The following APBA2 variants were observed in gnomAD, a reference collection of about 807,000 sequenced individuals.
APBA2 encodes amyloid-beta A4 precursor protein-binding family A member 2.
In APBA2, 30 loss-of-function variants were observed where a neutral mutation model predicts 75.0. The ratio of observed to expected loss-of-function variants is 0.40; its 90% CI spans 0.30 to 0.54. APBA2 has a LOEUF of 0.54. APBA2 is among the 20% of genes least tolerant of loss of function. The pLI is 0.49. For synonymous variants in APBA2, 444 were observed against 409.6 expected (o/e 1.08, Z -1.01); for missense variants, 801 against 1,016.1 (o/e 0.79, Z 2.88).
chr15:29,090,098 G>A (rs1220993784), intron 6 of APBA2, among the ~76,000 whole-genome samples: 1 of 152,216 alleles, frequency 6.6e-6, no homozygotes, highest in Non-Finnish European at 1.5e-5. Context: ...CTCCCGTGGT[G>A]CGTGTGAGTG....
At position 29,028,257 on chromosome 15, in the gene APBA2, G is replaced by T. The variant is rs374345277; in HGVS notation, c.-40-25588G>T. 3.3e-5 allele frequency among the ~76,000 whole-genome samples: 5 copies of T among 152,004 alleles called. No individual in the cohort carries two copies. In the East Asian group the frequency reaches 5.8e-4, roughly 18 times the overall value. On this transcript the variant is annotated intron_variant, in intron 3 of 14. Transcript: ENST00000683413. ...TATAAGTGAGAACATGTGATGTTTG[G>T]TTTTCTGTTCCTTTGTCAGTTTGCT...
intron 11 of APBA2, among the ~76,000 whole-genome samples, chr15:29,106,123 A>G (rs1015952564): frequency 6.6e-6 from 1 of 152,254 alleles, no homozygotes; most frequent in Non-Finnish European, 1.5e-5. Flanking sequence ...AAGACATTCC[A>G]GGCAGTTTCT....
At chr15:29,018,101 C>T (rs899352728) in intron 3 of APBA2, among the ~76,000 whole-genome samples, 4 of 152,072 alleles carry the variant, frequency 2.6e-5, no homozygotes, top group African/African-American at 9.7e-5. Flanking sequence ...CTACCTCTCC[C>T]GGGGGACAGT....
chr15:29,117,056 C>G lies in APBA2; in HGVS notation c.2179-6C>G, dbSNP rs765914372. The G allele has an allele frequency of 1.1e-5, 18 of 1,612,960 alleles. No individual in the cohort carries two copies. Among genetic ancestry groups the G allele is most frequent in the Non-Finnish European group, 1.5e-5 (18 of 1,179,828 alleles). ...CAGCGGCTCAGCCTCCTGTTTCTGT[C>G]CGCAGATCCACATGAAGACCATGCC... On this transcript the variant is annotated splice_polypyrimidine_tract_variant and splice_region_variant and intron_variant, in intron 14 of 14. Transcript: ENST00000683413.
intron 10 of APBA2, chr15:29,102,298 T>A (rs1445323206): frequency 5.0e-6 from 1 of 200,542 alleles, no homozygotes; most frequent in African/African-American, 2.4e-5. Flanking sequence ...AAGAGTGTTG[T>A]TTTTAGCCTG....
chr15:29,042,968 A>G (rs950754360), intron 3 of APBA2, among the ~76,000 whole-genome samples: 2 of 152,174 alleles, frequency 1.3e-5, no homozygotes, highest in Admixed American at 1.3e-4. Flanking sequence ...CTTTTCCCCT[A>G]AAGGCATCCA....
intron 1 of APBA2, among the ~76,000 whole-genome samples, chr15:28,895,930 A>G (rs994925259): frequency 6.6e-6 from 1 of 152,046 alleles, no homozygotes; most frequent in Non-Finnish European, 1.5e-5. Flanking sequence ...TGGGTAACGT[A>G]AGGAGACCCC....
chr15:28,938,982 CTT>C (rs1734874247), intron 2 of APBA2, among the ~76,000 whole-genome samples: 1 of 152,180 alleles, frequency 6.6e-6, no homozygotes, highest in Non-Finnish European at 1.5e-5. Context: ...CTTCCCAAAA[CTT>C]AAATTGTGCG....
At chr15:29,027,080 G>A (rs2040258989) in intron 3 of APBA2, among the ~76,000 whole-genome samples, 1 of 152,208 alleles carries the variant, frequency 6.6e-6, no homozygotes, top group Non-Finnish European at 1.5e-5. Flanking sequence ...TGACGTGTTA[G>A]TTTTTAATGC....
intron 3 of APBA2, among the ~76,000 whole-genome samples, chr15:29,010,190 C>T (rs1287672321): frequency 6.6e-6 from 1 of 152,148 alleles, no homozygotes; most frequent in Non-Finnish European, 1.5e-5. Flanking sequence ...TCGAAACCTT[C>T]TCTTGAAGTT....
chr15:29,114,665 G>A (rs2044954179), intron 14 of APBA2, among the ~76,000 whole-genome samples: 1 of 151,762 alleles, frequency 6.6e-6, no homozygotes, highest in African/African-American at 2.4e-5. Flanking sequence ...TGATGTATGA[G>A]TGTGGGTAAG....
chr15:29,075,942 G>A, intron 5 of APBA2, 113 bp from the exon 6 acceptor site: 2 of 923,842 alleles, frequency 2.2e-6, no homozygotes, highest in African/African-American at 1.6e-5. Context: ...CATCACTCAT[G>A]GGGGGTTTGC....
chr15:29,008,918 G>A (rs556246019), intron 3 of APBA2, among the ~76,000 whole-genome samples: 1 of 152,316 alleles, frequency 6.6e-6, no homozygotes, highest in East Asian at 1.9e-4. Context: ...AGTATGGCCA[G>A]GTGGGAAGCT....
intron 3 of APBA2, among the ~76,000 whole-genome samples, chr15:29,008,957 A>C (rs1156959933): frequency 3.3e-5 from 5 of 152,178 alleles, no homozygotes; most frequent in Non-Finnish European, 5.9e-5. Flanking sequence ...ACCAGGACAG[A>C]GGGTGTGTAT....
In APBA2 at chr15:28,998,284, G is replaced by A. The variant is rs570487995; in HGVS notation, c.-41+2478G>A. On this transcript the variant is annotated intron_variant, in intron 3 of 14. Coordinates refer to ENST00000683413, the MANE Select transcript of APBA2 (RefSeq NM_001353788.2). The stretch of plus-strand genomic sequence containing the variant: ...CCTATAGGCCCTCGATCTATAAAAT[G>A]TGTGCATAATGAAATATATAAAATC... 3.2e-4 allele frequency among the ~76,000 whole-genome samples: 47 copies of A among 147,558 alleles called. 1 individual carries two copies. The South Asian group carries it at 1.0e-2, about 31-fold the overall frequency.
At chr15:28,917,226 T>A (rs1257221366) in intron 1 of APBA2, among the ~76,000 whole-genome samples, 1 of 151,962 alleles carries the variant, frequency 6.6e-6, no homozygotes, top group African/African-American at 2.4e-5. Context: ...AGACGGTAAA[T>A]AACTAAAATC....
At chr15:29,045,510 AT>A (rs2041279363) in intron 3 of APBA2, among the ~76,000 whole-genome samples, 1 of 152,052 alleles carries the variant, frequency 6.6e-6, no homozygotes, top group Admixed American at 6.5e-5. Flanking sequence ...CTACATGTGA[AT>A]TTTGGGGGCG....
intron 2 of APBA2, among the ~76,000 whole-genome samples, chr15:28,968,557 G>T (rs778041581): frequency 1.3e-5 from 2 of 152,078 alleles, no homozygotes; most frequent in Non-Finnish European, 2.9e-5. Context: ...CGTCTCTTTC[G>T]CAGGATTAGA....
Position 28,886,160 on chromosome 15 carries a change from A to C in APBA2, c.-323A>C, listed in dbSNP as rs1335841723. The C allele has an allele frequency of 6.6e-6, 1 of 150,596 alleles. No homozygotes were observed. Among genetic ancestry groups the C allele is most frequent in the South Asian group, 2.1e-4 (1 of 4,830 alleles). The allele number at this position is 150,596 out of a possible 1,614,324, so 9.3% of individuals were successfully genotyped here. On this transcript the variant is annotated 5_prime_UTR_variant, in exon 1 of 15. Transcript: ENST00000683413. ...GGAAGCTATTCAGCTTCCCGGGCTC[A>C]TTAGCAGTCGCGGTGTGCGGCTCGG...
Sources: allele counts gnomAD v4.1 joint callset (sites outside exome capture counted in the v4.1 genomes callset), GRCh38; gene constraint gnomAD v4.1.1; transcripts MANE v1.5; gene names NCBI Gene and HGNC (gene_info 2026-07-23, HGNC 2026-07-21).